The following ISY1 variants were observed in gnomAD, a reference collection of about 807,000 sequenced individuals.
ISY1 encodes ISY1 spliceosome associated protein.
A neutral mutation model predicts 54.4 loss-of-function variants in ISY1; 12 were observed. That is an observed-to-expected ratio of 0.22 (90% CI 0.14 to 0.36). The LOEUF (loss-of-function observed/expected upper bound fraction) is 0.36. Among genes scored for constraint, ISY1 ranks in the 10% least tolerant of loss-of-function variants. The pLI is 1.00. For synonymous variants in ISY1, 96 were observed against 117.9 expected (o/e 0.81, Z 1.20); for missense variants, 282 against 342.2 (o/e 0.82, Z 1.39).
intron 5 of ISY1, among the ~76,000 whole-genome samples, chr3:129,152,900 T>G (rs76431542): frequency 0.024 from 3,634 of 152,176 alleles, 58 homozygotes; most frequent in Non-Finnish European, 0.035. Flanking sequence ...CTATGTGGAG[T>G]TGGTATTATT....
chr3:129,145,738 C>A (rs1936749209), intron 6 of ISY1, 23 bp downstream of exon 6: 7 of 1,609,314 alleles, frequency 4.3e-6, no homozygotes, highest in Non-Finnish European at 5.9e-6. Context: ...CAAGACCCGC[C>A]ACTGGGGCTG....
At chr3:129,160,373 C>A (rs1468446330) in intron 1 of ISY1, among the ~76,000 whole-genome samples, 2 of 151,946 alleles carry the variant, frequency 1.3e-5, no homozygotes, top group African/African-American at 4.8e-5. Flanking sequence ...ATTTACACGT[C>A]GTAAATGCTT....
chr3:129,145,782 C>A lies in ISY1; in HGVS notation c.279G>T (p.Glu93Asp). 1 of 1,614,110 alleles carries A rather than the reference C, an allele frequency of 6.2e-7. No individual in the cohort carries two copies. The highest frequency in any genetic ancestry group is 8.5e-7 in the Non-Finnish European group (1 of 1,179,980). ...TCACTCCATAATCAGGACCTCCCAG[C>A]TCCTTTATCCGGACCTCCCAGTGTC... is the stretch of plus-strand genomic sequence containing the variant. ...EKGHWEVRIKELGGPDYGKVG... is the reference protein window; with the variant it reads ...EKGHWEVRIKDLGGPDYGKVG... The change falls in exon 6 of 11, where the codon GAG (glutamate) becomes GAT (aspartate). Residue 93 changes from glutamate (E) to aspartate (D), a missense_variant. This residue lies in a region of ISY1 where 279 missense variants were observed against 323.6 expected (regional missense o/e 0.86). Coordinates refer to ENST00000393295, the MANE Select transcript of ISY1 (RefSeq NM_020701.4).
intron 9 of ISY1, among the ~76,000 whole-genome samples, chr3:129,131,151 C>A (rs974545694): frequency 2.0e-5 from 3 of 152,286 alleles, no homozygotes; most frequent in African/African-American, 7.2e-5. Flanking sequence ...ACACCGTGCA[C>A]GACCCATTCC....
intron 10 of ISY1, 35 bp from the exon 11 acceptor site, chr3:129,130,223 G>A: frequency 1.9e-6 from 3 of 1,563,914 alleles, no homozygotes; most frequent in Non-Finnish European, 2.6e-6. Flanking sequence ...TCACTCCTCA[G>A]CAAAGCCCCT....
intron 1 of ISY1, among the ~76,000 whole-genome samples, chr3:129,159,721 C>T (rs1576896625): frequency 6.6e-6 from 1 of 152,310 alleles, no homozygotes; most frequent in South Asian, 2.1e-4. Context: ...AGAGTCCTGG[C>T]TAAGTCAGGG....
In ISY1 at chr3:129,156,575, C is replaced by T. The variant is rs550071952; in HGVS notation, c.187+58G>A. 203 of 1,563,436 alleles carry T rather than the reference C, an allele frequency of 1.3e-4. 4 individuals are homozygous for T. In the South Asian group the frequency reaches 2.1e-3, roughly 16 times the overall value. ...ATTATTTTGAAAGGAGTATTGAAGT[C>T]CTCAAGTCTAATTGTGGATTTGAGA... On this transcript the variant is annotated intron_variant, in intron 5 of 10. Coordinates refer to ENST00000393295, the MANE Select transcript of ISY1 (RefSeq NM_020701.4).
rs754173577 is a variant in ISY1 at position 129,145,809 on chromosome 3, T to C, written c.252A>G (p.Lys84=). The change falls in exon 6 of 11, where the codon AAA becomes AAG. Residue 84 remains lysine (K), a synonymous_variant. Transcript: ENST00000393295. ...NDEINKLLRE[K]GHWEVRIKEL... is the part of the protein sequence containing the mutation. ...CCTTTATCCGGACCTCCCAGTGTCCTTTCTCCCTTAGCAGCTTGTTAATTT... is the reference window on the plus strand; with the variant it reads ...CCTTTATCCGGACCTCCCAGTGTCCCTTCTCCCTTAGCAGCTTGTTAATTT... The C allele has an allele frequency of 1.9e-6, 3 of 1,614,062 alleles. No individual in the cohort carries two copies. The highest frequency in any genetic ancestry group is 1.6e-4 in the Middle Eastern group (1 of 6,084).
At chr3:129,152,411 T>G (rs1027239898) in intron 5 of ISY1, among the ~76,000 whole-genome samples, 11 of 147,190 alleles carry the variant, frequency 7.5e-5, no homozygotes, top group African/African-American at 2.7e-4. Flanking sequence ...CTAGGTTTTG[T>G]TTTTTTTTTT....
At chr3:129,142,603 A>C (rs1261054356) in intron 6 of ISY1, among the ~76,000 whole-genome samples, 1 of 152,198 alleles carries the variant, frequency 6.6e-6, no homozygotes, top group Non-Finnish European at 1.5e-5. Context: ...TGAGTTAAAA[A>C]ACATTTTTTT....
chr3:129,144,539 A>C (rs1319546894), intron 6 of ISY1, among the ~76,000 whole-genome samples: 3 of 152,248 alleles, frequency 2.0e-5, no homozygotes, highest in Admixed American at 2.0e-4. Context: ...TCATCACAAA[A>C]GTGTGAACGA....
chr3:129,155,019 T>C (rs1427198745), intron 5 of ISY1, among the ~76,000 whole-genome samples: 1 of 151,700 alleles, frequency 6.6e-6, no homozygotes, highest in African/African-American at 2.4e-5. Flanking sequence ...AACCAGCTGT[T>C]GGTCTGTTTT....
chr3:129,156,255 C>T (rs1421812255), intron 5 of ISY1, among the ~76,000 whole-genome samples: 3 of 151,614 alleles, frequency 2.0e-5, no homozygotes, highest in Non-Finnish European at 2.9e-5. Flanking sequence ...AAAAATTAGC[C>T]GGGCGTGGTT....
At chr3:129,150,574 G>C (rs537019596) in intron 5 of ISY1, among the ~76,000 whole-genome samples, 1 of 152,080 alleles carries the variant, frequency 6.6e-6, no homozygotes. Context: ...TTAGCCAGAC[G>C]TGGTGGTGGG....
chr3:129,131,604 T>C (rs541544371), intron 9 of ISY1, among the ~76,000 whole-genome samples: 1 of 152,278 alleles, frequency 6.6e-6, no homozygotes, highest in South Asian at 2.1e-4. Context: ...GGTGTGTACT[T>C]TTCTGTATAT....
At chr3:129,156,986 G>T in intron 3 of ISY1, 66 bp from the exon 4 acceptor site, 1 of 1,572,688 alleles carries the variant, frequency 6.4e-7, no homozygotes, top group South Asian at 1.1e-5. Context: ...ATTCAGAACT[G>T]ATTCAGGCCT....
chr3:129,157,942 C>T (rs1937193166), intron 3 of ISY1, among the ~76,000 whole-genome samples: 1 of 151,962 alleles, frequency 6.6e-6, no homozygotes, highest in East Asian at 1.9e-4. Context: ...TGCACTGCAA[C>T]CTCCGTCTCC....
At chr3:129,149,973 C>CAAAAA (rs200338338) in intron 5 of ISY1, among the ~76,000 whole-genome samples, 3 of 90,782 alleles carry the variant, frequency 3.3e-5, no homozygotes, top group African/African-American at 1.0e-4. Flanking sequence ...GGCTCTATCT[C>CAAAAA]AAAAAAAAAA....
At chr3:129,155,258 G>A (rs1271523713) in intron 5 of ISY1, among the ~76,000 whole-genome samples, 13 of 151,740 alleles carry the variant, frequency 8.6e-5, no homozygotes, top group Middle Eastern at 3.4e-3. Flanking sequence ...GCAGTGGCAC[G>A]ATCTTGGCTC....
Sources: gnomAD v4.1 joint callset for allele counts (sites outside exome capture counted in the v4.1 genomes callset) on GRCh38, gnomAD v4.1.1 for gene constraint, gnomAD v4.1.1 regional missense constraint, MANE v1.5 for transcripts, NCBI Gene and HGNC (gene_info 2026-07-23, HGNC 2026-07-21) for gene names.